Variants in KIAA1217 observed in about 807,000 individuals in gnomAD.
KIAA1217 encodes KIAA1217.
In KIAA1217, 88 loss-of-function variants were observed where a neutral mutation model predicts 163.9. The observed-to-expected ratio is 0.54, with a 90% CI of 0.45 to 0.64. The LOEUF (loss-of-function observed/expected upper bound fraction) is 0.64, where lower values mean the gene tolerates loss of function less well. Among genes scored for constraint, KIAA1217 ranks in the 30% least tolerant of loss-of-function variants. The pLI is 0.00. For missense variants in KIAA1217, 2,372 were observed against 2,475.0 expected (o/e 0.96, Z 0.88); for synonymous variants, 903 against 923.1 (o/e 0.98, Z 0.39).
chr10:24,147,024 A>C (rs1012007852), intron 2 of KIAA1217, among the ~76,000 whole-genome samples: 4 of 151,806 alleles, frequency 2.6e-5, no homozygotes, highest in Non-Finnish European at 4.4e-5. Context: ...AAAAAAAAAA[A>C]AAAAAAACAG....
At chr10:23,849,893 T>C (rs1033721289) in intron 1 of KIAA1217, among the ~76,000 whole-genome samples, 3 of 152,006 alleles carry the variant, frequency 2.0e-5, no homozygotes, top group African/African-American at 7.2e-5. Context: ...TCTGCCAATT[T>C]CCAGGTACTT....
Position 24,495,207 on chromosome 10 carries a change from G to T in KIAA1217, c.1834+11G>T. On this transcript the variant is annotated intron_variant, in intron 8 of 20. Transcript: ENST00000376454. ...ACACAGATAGTGCAGGTAAGTAAGT[G>T]TTTTTGGAGCTGTAGGAGGCCTGTG... 6.2e-7 allele frequency: 1 copy of T among 1,610,498 alleles called. No individual in the cohort carries two copies. The highest frequency in any genetic ancestry group is 8.5e-7 in the Non-Finnish European group (1 of 1,178,632).
chr10:23,736,808 G>T (rs564742463), intron 1 of KIAA1217, among the ~76,000 whole-genome samples: 187 of 152,230 alleles, frequency 1.2e-3, no homozygotes, highest in Non-Finnish European at 2.4e-3. Flanking sequence ...TTACAGGCAT[G>T]GGCCACCGCA....
intron 17 of KIAA1217, 137 bp from the exon 18 acceptor site, chr10:24,542,556 G>A (rs143533327): frequency 6.6e-7 from 1 of 1,506,924 alleles, no homozygotes; most frequent in African/African-American, 1.4e-5. Flanking sequence ...AACAGCTGTA[G>A]GCTTTGGATT....
At chr10:24,131,658 A>G (rs2063657352) in intron 2 of KIAA1217, among the ~76,000 whole-genome samples, 1 of 152,228 alleles carries the variant, frequency 6.6e-6, no homozygotes, top group South Asian at 2.1e-4. Flanking sequence ...CGAGAAAATG[A>G]TAAAAAGAAG....
intron 2 of KIAA1217, among the ~76,000 whole-genome samples, chr10:24,235,489 T>G (rs996753419): frequency 6.6e-6 from 1 of 152,216 alleles, no homozygotes; most frequent in East Asian, 1.9e-4. Flanking sequence ...TTACGAAATG[T>G]ATATGTGTTG....
chr10:23,744,812 A>T (rs1358492412), intron 1 of KIAA1217, among the ~76,000 whole-genome samples: 1 of 152,180 alleles, frequency 6.6e-6, no homozygotes, highest in Non-Finnish European at 1.5e-5. Flanking sequence ...TGAACCTGTG[A>T]GTTGGAGATA....
At chr10:23,791,575 T>C (rs960307787) in intron 1 of KIAA1217, among the ~76,000 whole-genome samples, 1 of 152,216 alleles carries the variant, frequency 6.6e-6, no homozygotes, top group Non-Finnish European at 1.5e-5. Flanking sequence ...CTGCAATTAT[T>C]TCATGAGCAT....
intron 2 of KIAA1217, among the ~76,000 whole-genome samples, chr10:24,221,469 C>T (rs1466699105): frequency 6.6e-6 from 1 of 152,190 alleles, no homozygotes; most frequent in African/African-American, 2.4e-5. Context: ...TTATGTCTAA[C>T]TCACTCAGCC....
At chr10:23,812,795 T>G (rs1837133393) in intron 1 of KIAA1217, among the ~76,000 whole-genome samples, 1 of 152,206 alleles carries the variant, frequency 6.6e-6, no homozygotes, top group African/African-American at 2.4e-5. Flanking sequence ...ACGCAGTATG[T>G]GGTTTTTTGT....
chr10:24,532,917 A>C (rs186634158), intron 15 of KIAA1217, among the ~76,000 whole-genome samples, 153 bp from the exon 16 acceptor site: 1 of 152,336 alleles, frequency 6.6e-6, no homozygotes, highest in Admixed American at 6.5e-5. Context: ...AATACAAACT[A>C]AATGCAAAGG....
chr10:24,538,611 GA>G, intron 17 of KIAA1217, among the ~76,000 whole-genome samples: 1 of 60,346 alleles, frequency 1.7e-5, no homozygotes, highest in Non-Finnish European at 2.8e-5. Context: ...GAAGGAAAAA[GA>G]GAGGAAGGAA....
chr10:24,070,571 C>G (rs1167276126), intron 2 of KIAA1217, among the ~76,000 whole-genome samples: 4 of 152,030 alleles, frequency 2.6e-5, no homozygotes, highest in African/African-American at 9.7e-5. Flanking sequence ...TATAATTAAG[C>G]CAAATACATT....
chr10:23,732,158 G>A (rs7906543), intron 1 of KIAA1217, among the ~76,000 whole-genome samples: 33,155 of 151,838 alleles, frequency 0.22, 3,855 homozygotes, highest in Middle Eastern at 0.29. Context: ...ATTGTAAAGA[G>A]CTCGTGTAAT....
At chr10:23,757,262 G>A (rs914973439) in intron 1 of KIAA1217, among the ~76,000 whole-genome samples, 3 of 152,102 alleles carry the variant, frequency 2.0e-5, no homozygotes, top group African/African-American at 7.2e-5. Flanking sequence ...GGATCACACA[G>A]TAATTCTATT....
chr10:24,284,551 C>A, intron 2 of KIAA1217, among the ~76,000 whole-genome samples: 1 of 152,244 alleles, frequency 6.6e-6, no homozygotes, highest in Non-Finnish European at 1.5e-5. Flanking sequence ...GCAAAGGACA[C>A]GATTTTGGTT....
At chr10:24,346,206 G>A (rs1444468515) in intron 2 of KIAA1217, among the ~76,000 whole-genome samples, 1 of 152,166 alleles carries the variant, frequency 6.6e-6, no homozygotes, top group Non-Finnish European at 1.5e-5. Flanking sequence ...GCTCACACCT[G>A]TAATCCCAGC....
chr10:24,433,304 G>GT (rs574061369), intron 4 of KIAA1217, 111 bp downstream of exon 4: 5 of 742,554 alleles, frequency 6.7e-6, no homozygotes, highest in African/African-American at 3.7e-5. Flanking sequence ...CATTTAGAGT[G>GT]TTTTTTTGTT....
intron 5 of KIAA1217, chr10:24,466,811 G>A (rs2062998778): frequency 5.1e-6 from 5 of 983,636 alleles, no homozygotes; most frequent in Non-Finnish European, 6.0e-6. Flanking sequence ...TTAATTCTTT[G>A]AGGGTGAAAG....
Sources: allele counts gnomAD v4.1 joint callset (sites outside exome capture counted in the v4.1 genomes callset), GRCh38; gene constraint gnomAD v4.1.1; transcripts MANE v1.5; gene names NCBI Gene and HGNC (gene_info 2026-07-23, HGNC 2026-07-21).